Variants in ROBO2 observed in about 807,000 individuals in gnomAD.
The protein encoded by ROBO2 is roundabout homolog 2.
A neutral mutation model predicts 160.8 loss-of-function variants in ROBO2; 53 were observed. The observed-to-expected ratio is 0.33, with a 90% CI of 0.26 to 0.41. The LOEUF is 0.41. Among genes scored for constraint, ROBO2 ranks in the 10% least tolerant of loss-of-function variants. ROBO2 has a pLI of 1.00. For missense variants in ROBO2, 1,577 were observed against 1,722.4 expected (o/e 0.92, Z 1.49); for synonymous variants, 664 against 611.7 (o/e 1.09, Z -1.26).
At chr3:76,348,011 C>T (rs1004081564) in intron 2 of ROBO2, among the ~76,000 whole-genome samples, 1 of 152,224 alleles carries the variant, frequency 6.6e-6, no homozygotes, top group Non-Finnish European at 1.5e-5. Flanking sequence ...AAACTGCTAC[C>T]TTTGAGGCTT....
In ROBO2 at chr3:77,182,607, G is replaced by A. The variant is rs558383536; in HGVS notation, c.388+84267G>A. ...AGCCAAAGAGAGCTGCCAACCTATCGATCAACTGATGAGAAGACAGAACTT... is the reference window on the plus strand; with the variant it reads ...AGCCAAAGAGAGCTGCCAACCTATCAATCAACTGATGAGAAGACAGAACTT... On this transcript the variant is annotated intron_variant, in intron 2 of 25. Transcript: ENST00000461745. Among the ~76,000 whole-genome samples the A allele has an allele frequency of 7.2e-5, 11 of 152,116 alleles. No homozygotes were observed. The South Asian group carries it at 1.0e-3, about 14-fold the overall frequency.
intron 2 of ROBO2, among the ~76,000 whole-genome samples, chr3:76,063,757 CTG>C (rs2068146898): frequency 6.6e-6 from 1 of 152,070 alleles, no homozygotes; most frequent in African/African-American, 2.4e-5. Flanking sequence ...AGTAAAATCT[CTG>C]TACATCTGTT....
intron 2 of ROBO2, among the ~76,000 whole-genome samples, chr3:76,611,045 G>A (rs116055583): frequency 6.6e-6 from 1 of 152,126 alleles, no homozygotes; most frequent in South Asian, 2.1e-4. Flanking sequence ...GACTTAGAAC[G>A]GTGGAGTGTG....
intron 2 of ROBO2, among the ~76,000 whole-genome samples, chr3:76,054,867 A>C (rs1300620071): frequency 6.6e-6 from 1 of 152,182 alleles, no homozygotes; most frequent in African/African-American, 2.4e-5. Context: ...ATCCTGTGTC[A>C]GCCCATAAAC....
chr3:77,177,245 C>G (rs767885146), intron 2 of ROBO2, among the ~76,000 whole-genome samples: 42 of 151,858 alleles, frequency 2.8e-4, no homozygotes, highest in Non-Finnish European at 5.2e-4. Context: ...TCTCATTGAA[C>G]TAGGCAAGTC....
chr3:76,124,919 T>C (rs1374710922), intron 2 of ROBO2, among the ~76,000 whole-genome samples: 1 of 152,168 alleles, frequency 6.6e-6, no homozygotes, highest in Non-Finnish European at 1.5e-5. Flanking sequence ...TCTGTGATGA[T>C]GAGGATTGGG....
chr3:77,615,826 C>T (rs907934117), intron 21 of ROBO2, among the ~76,000 whole-genome samples: 31 of 152,236 alleles, frequency 2.0e-4, no homozygotes, highest in South Asian at 4.1e-4. Context: ...ATAAATTCAG[C>T]TTTTAAACAA....
At chr3:76,851,649 G>A (rs1030266258) in intron 2 of ROBO2, among the ~76,000 whole-genome samples, 1 of 147,648 alleles carries the variant, frequency 6.8e-6, no homozygotes, top group Non-Finnish European at 1.5e-5. Context: ...GCAGGAGAAT[G>A]GCGTGAACCC....
At chr3:76,511,366 A>T (rs2081078411) in intron 2 of ROBO2, among the ~76,000 whole-genome samples, 1 of 152,232 alleles carries the variant, frequency 6.6e-6, no homozygotes, top group South Asian at 2.1e-4. Flanking sequence ...ATTTTGTACC[A>T]GTGACTTGTG....
intron 2 of ROBO2, among the ~76,000 whole-genome samples, chr3:76,296,379 A>C (rs34260016): frequency 0.052 from 7,903 of 152,288 alleles, 215 homozygotes; most frequent in African/African-American, 0.065. Context: ...CAGCAGCCAC[A>C]GGAAACTAAT....
chr3:76,877,638 TATAACCTGCTGTCTTATAA>T (rs1262702585), intron 2 of ROBO2, among the ~76,000 whole-genome samples: 1 of 152,214 alleles, frequency 6.6e-6, no homozygotes, highest in Non-Finnish European at 1.5e-5. Context: ...AGTCTATACA[TATAACCTGCTGTCTTATAA>T]ATAACCTGCT....
At chr3:76,028,437 A>G (rs2066814298) in intron 2 of ROBO2, among the ~76,000 whole-genome samples, 1 of 151,920 alleles carries the variant, frequency 6.6e-6, no homozygotes. Context: ...TAACAGAAAT[A>G]TTACCAACCA....
intron 2 of ROBO2, among the ~76,000 whole-genome samples, chr3:76,825,286 G>T (rs1201804996): frequency 6.6e-6 from 1 of 152,098 alleles, no homozygotes; most frequent in Admixed American, 6.6e-5. Context: ...TGGATGACTG[G>T]CACACTGGAC....
intron 2 of ROBO2, among the ~76,000 whole-genome samples, chr3:76,603,347 AAAAAATATAT>A (rs1478133491): frequency 4.4e-5 from 2 of 45,076 alleles, no homozygotes; most frequent in African/African-American, 2.1e-4. Context: ...AAAAAAAAAA[AAAAAATATAT>A]ATATATATAT....
At chr3:76,035,242 T>G (rs1013833125) in intron 2 of ROBO2, among the ~76,000 whole-genome samples, 1 of 151,698 alleles carries the variant, frequency 6.6e-6, no homozygotes, top group African/African-American at 2.4e-5. Context: ...CTGGCACATA[T>G]TTGGTATTTA....
chr3:77,386,603 A>ATTGTTTTTTTTTTTTTTTTTTTTT (rs2074125593), intron 2 of ROBO2, among the ~76,000 whole-genome samples: 1 of 91,896 alleles, frequency 1.1e-5, no homozygotes, highest in Non-Finnish European at 2.1e-5. Context: ...CAGCCAGGTA[A>ATTGTTTTTTTTTTTTTTTTTTTTT]TTTTTTTTTT....
intron 2 of ROBO2, among the ~76,000 whole-genome samples, chr3:77,323,417 A>G (rs951833413): frequency 2.0e-5 from 3 of 152,124 alleles, no homozygotes; most frequent in Non-Finnish European, 2.9e-5. Flanking sequence ...TTATAATCTA[A>G]GAAGCTCCTC....
At chr3:77,604,876 T>C (rs1391914937) in intron 20 of ROBO2, among the ~76,000 whole-genome samples, 4 of 152,082 alleles carry the variant, frequency 2.6e-5, no homozygotes, top group Non-Finnish European at 5.9e-5. Context: ...ATTATTTGAG[T>C]GTATTACCCT....
intron 12 of ROBO2, among the ~76,000 whole-genome samples, chr3:77,567,487 A>G (rs574580442): frequency 7.2e-5 from 11 of 152,114 alleles, no homozygotes; most frequent in African/African-American, 2.4e-4. Flanking sequence ...AATATAAACC[A>G]TCATATGGAG....
Sources: gnomAD v4.1 joint callset for allele counts (sites outside exome capture counted in the v4.1 genomes callset) on GRCh38, gnomAD v4.1.1 for gene constraint, MANE v1.5 for transcripts, NCBI Gene and HGNC (gene_info 2026-07-23, HGNC 2026-07-21) for gene names.